The following PHF20 variants were observed in gnomAD, a reference collection of about 807,000 sequenced individuals.
PHF20 encodes the protein glioma-expressed antigen 2.
Under a neutral mutation model 113.5 loss-of-function variants are expected in PHF20, and 23 were observed. The ratio of observed to expected loss-of-function variants is 0.20; its 90% confidence interval spans 0.15 to 0.29. The LOEUF is 0.29. Ranked by LOEUF, PHF20 falls within the 10% of genes least tolerant of loss-of-function variation. The pLI, the probability that PHF20 is intolerant of heterozygous loss-of-function variation, is 1.00. For missense variants in PHF20, 943 were observed against 1,219.6 expected, an observed-to-expected ratio of 0.77 and a Z score of 3.38; for synonymous variants, 434 against 457.3, an observed-to-expected ratio of 0.95 and a Z score of 0.65.
intron 9 of PHF20, among the ~76,000 whole-genome samples, chr20:35,897,414 T>G (rs1264645611): frequency 6.6e-6 from 1 of 152,186 alleles, no homozygotes; most frequent in East Asian, 1.9e-4. Context: ...GGCAAATCTG[T>G]CACCTTGAGC....
At chr20:35,865,413 G>A (rs2054296749) in intron 6 of PHF20, among the ~76,000 whole-genome samples, 2 of 150,908 alleles carry the variant, frequency 1.3e-5, no homozygotes, top group African/African-American at 4.9e-5. Flanking sequence ...AGGCAGGAAG[G>A]TTGCTGAGCC....
chr20:35,826,782 G>A (rs2042270239), intron 2 of PHF20, among the ~76,000 whole-genome samples: 3 of 152,130 alleles, frequency 2.0e-5, no homozygotes, highest in African/African-American at 4.8e-5. Context: ...GCATTCTGCT[G>A]GGTACTGATA....
intron 1 of PHF20, among the ~76,000 whole-genome samples, chr20:35,796,103 G>A (rs1342858324): frequency 1.3e-5 from 2 of 151,998 alleles, no homozygotes; most frequent in East Asian, 1.9e-4. Flanking sequence ...GCCCGCCTTG[G>A]CCTCCCAAAG....
In PHF20 at chr20:35,875,404, GA is replaced by G. The variant is rs112530486; in HGVS notation, c.1282+3587del. Among the ~76,000 whole-genome samples, 887 of 144,168 alleles carry G rather than the reference GA, an allele frequency of 6.2e-3. 10 individuals are homozygous for G. The highest frequency in any genetic ancestry group is 0.02 in the African/African-American group (802 of 39,898). The allele number at this position is 144,168 out of a possible 152,430, so 94.6% of individuals were successfully genotyped here. A position where few individuals can be genotyped will look rare whatever the true frequency, so the allele number is the denominator to read the frequency against. On this transcript the variant is annotated intron_variant, in intron 9 of 17. Coordinates refer to ENST00000374012, the MANE Select transcript of PHF20 (RefSeq NM_016436.5). ...CAGAGTGAGATTCCATCTCAAAAAA[GA>G]AAAAAAAAAAATTAAAAGAGTACCG...
chr20:35,815,656 A>T (rs536386252), intron 2 of PHF20, among the ~76,000 whole-genome samples: 5 of 151,802 alleles, frequency 3.3e-5, no homozygotes, highest in Non-Finnish European at 5.9e-5. Context: ...TAGTAGAGGC[A>T]GGGTTTCACT....
At chr20:35,893,671 A>G (rs994164042) in intron 9 of PHF20, among the ~76,000 whole-genome samples, 1 of 151,756 alleles carries the variant, frequency 6.6e-6, no homozygotes, top group Non-Finnish European at 1.5e-5. Flanking sequence ...CTGCAGTGCA[A>G]TGGTGTGATC....
At chr20:35,816,079 C>G (rs2042068527) in intron 2 of PHF20, among the ~76,000 whole-genome samples, 1 of 152,118 alleles carries the variant, frequency 6.6e-6, no homozygotes, top group Non-Finnish European at 1.5e-5. Context: ...GCCTCAGTCT[C>G]CTGAGTAGCT....
intron 4 of PHF20, among the ~76,000 whole-genome samples, chr20:35,848,431 A>C (rs1046671299): frequency 6.6e-6 from 1 of 151,912 alleles, no homozygotes; most frequent in Non-Finnish European, 1.5e-5. Context: ...CGGTCAGCTA[A>C]ATTTTGTATT....
At chr20:35,909,074 G>A (rs960435364) in intron 10 of PHF20, among the ~76,000 whole-genome samples, 5 of 151,988 alleles carry the variant, frequency 3.3e-5, no homozygotes, top group Non-Finnish European at 5.9e-5. Flanking sequence ...TTGAATAGGA[G>A]TAGAGAGAGA....
chr20:35,911,800 A>G (rs1373476768), intron 10 of PHF20, among the ~76,000 whole-genome samples: 1 of 151,866 alleles, frequency 6.6e-6, no homozygotes, highest in Non-Finnish European at 1.5e-5. Context: ...CTGGGATTAC[A>G]GGCATCTGCC....
chr20:35,920,334 G>A (rs550896364), intron 13 of PHF20, among the ~76,000 whole-genome samples: 1 of 152,234 alleles, frequency 6.6e-6, no homozygotes, highest in African/African-American at 2.4e-5. Flanking sequence ...AGTATTCCAT[G>A]CTATGGATGT....
intron 9 of PHF20, among the ~76,000 whole-genome samples, chr20:35,896,799 CAAAAAA>C (rs34377497): frequency 1.6e-5 from 1 of 62,470 alleles, no homozygotes; most frequent in Non-Finnish European, 3.3e-5. Flanking sequence ...GACTCCGTCT[CAAAAAA>C]AAAAAAAAAA....
At chr20:35,869,697 CAGA>C (rs745322782) in intron 7 of PHF20, 146 bp downstream of exon 7, 4 of 649,936 alleles carry the variant, frequency 6.2e-6, no homozygotes, top group Non-Finnish European at 1.1e-5. Context: ...GCAGTTGGAT[CAGA>C]AGGAGTTTTT....
chr20:35,805,710 G>A (rs2041867652), intron 2 of PHF20, among the ~76,000 whole-genome samples: 1 of 151,844 alleles, frequency 6.6e-6, no homozygotes, highest in African/African-American at 2.4e-5. Context: ...GAATTCCTGG[G>A]CTCAGGTGAT....
At chr20:35,902,564 C>T (rs185053877) in intron 10 of PHF20, among the ~76,000 whole-genome samples, 1 of 152,282 alleles carries the variant, frequency 6.6e-6, no homozygotes, top group East Asian at 1.9e-4. Context: ...TATAATGCAC[C>T]TGAGCGTGGG....
At chr20:35,911,906 G>C (rs137920819) in intron 10 of PHF20, among the ~76,000 whole-genome samples, 3,915 of 152,098 alleles carry the variant, frequency 0.026, 65 homozygotes, top group Non-Finnish European at 0.039. Flanking sequence ...TGATTCACCT[G>C]CCTTGGCCTC....
intron 1 of PHF20, among the ~76,000 whole-genome samples, chr20:35,791,442 TATCTATCTATCTATCTATC>T (rs1456699998): frequency 1.2e-3 from 2 of 1,644 alleles, no homozygotes; most frequent in Non-Finnish European, 2.7e-3. Flanking sequence ...ACCAGAATAG[TATCTATCTATCTATCTATC>T]TATCTATCTA....
intron 9 of PHF20, chr20:35,878,704 C>T (rs1005912152): frequency 3.9e-6 from 3 of 770,868 alleles, no homozygotes; most frequent in South Asian, 1.4e-5. Context: ...TATCATGTAT[C>T]GAGAATTCTG....
chr20:35,899,200 AGTT>A (rs1211014841), intron 9 of PHF20, among the ~76,000 whole-genome samples, 167 bp from the exon 10 acceptor site: 1 of 152,070 alleles, frequency 6.6e-6, no homozygotes, highest in Non-Finnish European at 1.5e-5. Context: ...TTTGACCTGA[AGTT>A]GTTTTCATTC....
Sources: allele counts gnomAD v4.1 joint callset (sites outside exome capture counted in the v4.1 genomes callset), GRCh38; gene constraint gnomAD v4.1.1; transcripts MANE v1.5; gene names NCBI Gene and HGNC (gene_info 2026-07-23, HGNC 2026-07-21).